Variants in FGF13 observed in about 807,000 individuals in gnomAD.
FGF13 encodes the protein fibroblast growth factor homologous factor 2.
FGF13 carries 2 observed loss-of-function variants against 19.5 expected under a neutral mutation model. That is an observed-to-expected ratio of 0.10 (90% CI 0.04 to 0.32). The LOEUF is 0.32. FGF13 is among the 10% of genes least tolerant of loss of function. The pLI is 1.00. For missense variants in FGF13, 113 were observed against 192.7 expected, an observed-to-expected ratio of 0.59 and a Z score of 2.45; for synonymous variants, 72 against 76.9, an observed-to-expected ratio of 0.94 and a Z score of 0.33.
chrX:138,628,311 T>A lies in FGF13; in HGVS notation c.*4539A>T, dbSNP rs1470091098. On this transcript the variant is annotated 3_prime_UTR_variant, in exon 5 of 5. Transcript: ENST00000315930. ...AAGGGTACTAGTGGCCTGACCTAGCTATACTTTGCTAATTGTTTTATAATT... is the reference window on the plus strand; with the variant it reads ...AAGGGTACTAGTGGCCTGACCTAGCAATACTTTGCTAATTGTTTTATAATT... 8.9e-6 allele frequency: 1 copy of A among 112,316 alleles called. No individual in the cohort carries two copies. Among genetic ancestry groups the A allele is most frequent in the Non-Finnish European group, 1.9e-5 (1 of 53,315 alleles). 9.3% of individuals were successfully genotyped at this position (112,316 alleles called of 1,213,427 possible).
intron 3 of FGF13, among the ~76,000 whole-genome samples, chrX:138,766,097 C>T (rs986235518): frequency 4.5e-5 from 5 of 112,153 alleles, no homozygotes. Flanking sequence ...CACCGATCCC[C>T]ACTGTAGCCT....
intron 3 of FGF13, among the ~76,000 whole-genome samples, chrX:138,664,590 T>C (rs971507029): frequency 9.1e-6 from 1 of 110,380 alleles, no homozygotes; most frequent in Admixed American, 9.7e-5. Flanking sequence ...AAAAGGGAAA[T>C]GAATTAATTT....
intron 1 of FGF13, among the ~76,000 whole-genome samples, chrX:139,093,756 G>T (rs1569452481): frequency 8.9e-6 from 1 of 111,738 alleles, no homozygotes; most frequent in African/African-American, 3.3e-5. Flanking sequence ...CTGGGCTTAG[G>T]AACACGTGCA....
chrX:138,781,497 C>G (rs1259483509), intron 3 of FGF13, among the ~76,000 whole-genome samples: 2 of 109,059 alleles, frequency 1.8e-5, no homozygotes, highest in Admixed American at 9.7e-5. Context: ...CACCACCGAT[C>G]CCACAGAAAT....
chrX:138,916,537 T>C (rs2091619207), intron 1 of FGF13, among the ~76,000 whole-genome samples: 2 of 112,145 alleles, frequency 1.8e-5, no homozygotes, highest in Non-Finnish European at 3.8e-5. Context: ...TATAAACTCA[T>C]TATCTATTTC....
chrX:139,172,248 G>T (rs931600367), intron 1 of FGF13, among the ~76,000 whole-genome samples: 1 of 111,971 alleles, frequency 8.9e-6, no homozygotes, highest in Non-Finnish European at 1.9e-5. Flanking sequence ...ACCAATCTGA[G>T]TGAAAAGTTA....
chrX:138,631,366 A>G lies in FGF13; in HGVS notation c.*1484T>C, dbSNP rs775208490. On this transcript the variant is annotated 3_prime_UTR_variant, in exon 5 of 5. Transcript: ENST00000315930. ...TGTATAATTTGACTACTGAACGGGAATGTGAATTCCTTTGTACCAATCTGA... is the reference window on the plus strand; with the variant it reads ...TGTATAATTTGACTACTGAACGGGAGTGTGAATTCCTTTGTACCAATCTGA... The G allele has an allele frequency of 4.5e-5, 5 of 111,936 alleles. No individual in the cohort carries two copies. Among genetic ancestry groups the G allele is most frequent in the Non-Finnish European group, 7.5e-5 (4 of 53,189 alleles). The allele number at this position is 111,936 out of a possible 1,213,427, so 9.2% of individuals were successfully genotyped here.
intron 3 of FGF13, among the ~76,000 whole-genome samples, chrX:138,680,393 C>T (rs2089716230): frequency 8.9e-6 from 1 of 111,812 alleles, no homozygotes; most frequent in Non-Finnish European, 1.9e-5. Context: ...CAGCTATGGC[C>T]TTATGAAAAG....
chrX:139,176,074 T>C (rs1355607963), intron 1 of FGF13, among the ~76,000 whole-genome samples: 1 of 112,030 alleles, frequency 8.9e-6, no homozygotes, highest in Non-Finnish European at 1.9e-5. Context: ...TGCCTCGATT[T>C]CAGAACTTGT....
intron 1 of FGF13, among the ~76,000 whole-genome samples, chrX:138,968,448 C>A (rs2091903322): frequency 9.0e-6 from 1 of 111,713 alleles, no homozygotes; most frequent in Non-Finnish European, 1.9e-5. Context: ...TCTCCCCATC[C>A]CTCTCTCCTT....
chrX:139,004,170 C>T (rs1051654955), intron 1 of FGF13, among the ~76,000 whole-genome samples: 2 of 112,894 alleles, frequency 1.8e-5, no homozygotes, highest in African/African-American at 3.2e-5. Context: ...AGCCCTGCCC[C>T]GCAGGAAGGC....
chrX:138,633,766 T>C (rs1044324165), intron 4 of FGF13, among the ~76,000 whole-genome samples: 1 of 111,875 alleles, frequency 8.9e-6, no homozygotes, highest in Non-Finnish European at 1.9e-5. Context: ...ATCCATATTA[T>C]ACAGATGAAC....
chrX:138,950,830 G>A (rs2091807478), intron 1 of FGF13, among the ~76,000 whole-genome samples: 1 of 110,730 alleles, frequency 9.0e-6, no homozygotes, highest in Non-Finnish European at 1.9e-5. Flanking sequence ...TTCTTAATGG[G>A]TCATCTCTAT....
chrX:139,018,106 G>A (rs901498640), intron 1 of FGF13, among the ~76,000 whole-genome samples: 2 of 111,548 alleles, frequency 1.8e-5, no homozygotes, highest in Admixed American at 9.5e-5. Flanking sequence ...CTCAGTGGAA[G>A]GTGAAAGGCA....
chrX:139,195,585 T>C (rs1174293043), intron 1 of FGF13, among the ~76,000 whole-genome samples: 1 of 112,187 alleles, frequency 8.9e-6, no homozygotes, highest in Admixed American at 9.4e-5. Context: ...CTACATTATT[T>C]GGAGCAAGTT....
At chrX:138,984,542 G>C (rs1347003913) in intron 1 of FGF13, among the ~76,000 whole-genome samples, 444 of 31,729 alleles carry the variant, frequency 0.014, 33 homozygotes, top group African/African-American at 0.041. Flanking sequence ...AGAAGAAGAA[G>C]AAGAAGAAGA....
intron 1 of FGF13, among the ~76,000 whole-genome samples, chrX:138,997,710 G>A (rs1336117987): frequency 1.8e-5 from 2 of 112,133 alleles, no homozygotes; most frequent in African/African-American, 6.5e-5. Flanking sequence ...TGTTTGATTG[G>A]TATACCTGAA....
At chrX:139,036,844 C>T (rs2092252282) in intron 1 of FGF13, among the ~76,000 whole-genome samples, 2 of 110,867 alleles carry the variant, frequency 1.8e-5, no homozygotes, top group African/African-American at 6.6e-5. Flanking sequence ...ACCATCAGAT[C>T]TCATGAGACT....
At chrX:139,146,674 G>A (rs1157301664) in intron 1 of FGF13, among the ~76,000 whole-genome samples, 1 of 112,021 alleles carries the variant, frequency 8.9e-6, no homozygotes, top group East Asian at 2.8e-4. Flanking sequence ...ACACATGTAT[G>A]TTTATAGCGG....
Sources: allele counts gnomAD v4.1 joint callset (sites outside exome capture counted in the v4.1 genomes callset), GRCh38; gene constraint gnomAD v4.1.1; transcripts MANE v1.5; gene names NCBI Gene and HGNC (gene_info 2026-07-23, HGNC 2026-07-21).